Variants in ZC3HAV1 observed in about 807,000 individuals in gnomAD.
The protein encoded by ZC3HAV1 is zinc finger CCCH-type containing, antiviral 1.
ZC3HAV1 carries 41 observed loss-of-function variants against 86.6 expected under a neutral mutation model. The observed-to-expected ratio is 0.47, with a 90% CI of 0.37 to 0.61. The LOEUF (loss-of-function observed/expected upper bound fraction) is 0.61. Among genes scored for constraint, ZC3HAV1 ranks in the 20% least tolerant of loss-of-function variants. The pLI is 0.00. For missense variants in ZC3HAV1, 964 were observed against 1,141.1 expected (o/e 0.84, Z 2.24); for synonymous variants, 421 against 432.1 (o/e 0.97, Z 0.32).
At chr7:139,078,773 A>G (rs1441371222) in intron 4 of ZC3HAV1, 120 bp from the exon 5 acceptor site, 1 of 826,342 alleles carries the variant, frequency 1.2e-6, no homozygotes, top group East Asian at 2.9e-5. Flanking sequence ...GAAAATTCCT[A>G]TGATTTATGT....
chr7:139,096,305 T>C (rs1817587285), intron 1 of ZC3HAV1, among the ~76,000 whole-genome samples: 1 of 152,094 alleles, frequency 6.6e-6, no homozygotes, highest in Admixed American at 6.5e-5. Context: ...TGAGCCACCG[T>C]ACCCGACCAC....
chr7:139,108,971 A>C lies in ZC3HAV1; in HGVS notation c.308+53T>G, dbSNP rs1344963509. On this transcript the variant is annotated intron_variant, in intron 1 of 12. Transcript: ENST00000242351. This position sits in a 1 kb window ranked among gnomAD's most constrained non-coding sequence, Gnocchi z 4.2. ...CTCCCAGAACATTGCCCGCCTGGAC[A>C]GTCCACCCCGACCACGGCTGCGGAC... 13 of 1,492,622 alleles carry C rather than the reference A, an allele frequency of 8.7e-6. No homozygotes were observed. The highest frequency in any genetic ancestry group is 2.5e-5 in the East Asian group (1 of 40,220). The allele number at this position is 1,492,622 out of a possible 1,614,324, so 92.5% of individuals were successfully genotyped here. A position where few individuals can be genotyped will look rare whatever the true frequency, so the allele number is the denominator to read the frequency against.
chr7:139,097,410 A>ATTTTTTTTTT (rs1563140546), intron 1 of ZC3HAV1, among the ~76,000 whole-genome samples: 1 of 73,178 alleles, frequency 1.4e-5, no homozygotes. Flanking sequence ...CCATATATAT[A>ATTTTTTTTTT]TATATATATA....
chr7:139,097,436 T>A (rs1434811861), intron 1 of ZC3HAV1, among the ~76,000 whole-genome samples: 18 of 109,522 alleles, frequency 1.6e-4, no homozygotes, highest in East Asian at 7.4e-4. Context: ...ATATTTTTTT[T>A]TTTTTTTTTT....
At chr7:139,084,673 A>C (rs1457552268) in intron 2 of ZC3HAV1, among the ~76,000 whole-genome samples, 8 of 152,208 alleles carry the variant, frequency 5.3e-5, no homozygotes, top group Admixed American at 5.2e-4. Flanking sequence ...ACCTACTCTT[A>C]GCCTCCGTTT....
At chr7:139,069,591 C>T (rs1490878842) in intron 7 of ZC3HAV1, among the ~76,000 whole-genome samples, 1 of 152,174 alleles carries the variant, frequency 6.6e-6, no homozygotes, top group Admixed American at 6.5e-5. Flanking sequence ...TACCCTACAC[C>T]ATTGCTGCCC....
At chr7:139,074,169 T>A in intron 6 of ZC3HAV1, 139 bp from the exon 7 acceptor site, 4 of 742,842 alleles carry the variant, frequency 5.4e-6, no homozygotes, top group Non-Finnish European at 8.1e-6. Flanking sequence ...TGGCTCCAGG[T>A]CCTACACATA....
In ZC3HAV1 at chr7:139,054,036, A is replaced by G; in HGVS notation, c.2247T>C (p.Ala749=). The G allele has an allele frequency of 6.2e-7, 1 of 1,607,852 alleles. No homozygotes were observed. The highest frequency in any genetic ancestry group is 1.3e-5 in the African/African-American group (1 of 74,642). The change falls in exon 11 of 13, where the codon GCT becomes GCC. Residue 749 remains alanine (A), a synonymous_variant. Coordinates refer to ENST00000242351, the MANE Select transcript of ZC3HAV1 (RefSeq NM_020119.4). ...EYVRVSEHFK[A]SMKNFKIEKI... ...TTTCAATCTTGAAATTTTTCATGGA[A>G]GCTTTAAAATGCTCACTTACTCTGA...
At position 139,043,843 on chromosome 7, in the gene ZC3HAV1, G is replaced by A. The variant is rs574649686; in HGVS notation, c.*3751C>T. On this transcript the variant is annotated 3_prime_UTR_variant, in exon 13 of 13. Coordinates refer to ENST00000242351, the MANE Select transcript of ZC3HAV1 (RefSeq NM_020119.4). ...AGGCCAAGATCTGACCTATTCTGTA[G>A]AAGGACTCCTTAGGAAAGTAACAGT... 2.0e-5 allele frequency: 3 copies of A among 152,342 alleles called. No homozygotes were observed. Among genetic ancestry groups the A allele is most frequent in the African/African-American group, 7.2e-5 (3 of 41,580 alleles). The allele number at this position is 152,342 out of a possible 1,614,324, so 9.4% of individuals were successfully genotyped here. A position where few individuals can be genotyped will look rare whatever the true frequency, so the allele number is the denominator to read the frequency against.
chr7:139,057,532 ATTTT>A (rs765288792), intron 9 of ZC3HAV1, among the ~76,000 whole-genome samples: 2 of 56,910 alleles, frequency 3.5e-5, no homozygotes, highest in African/African-American at 9.0e-5. Context: ...AAACAATTAC[ATTTT>A]TTTTTTTTTT....
At chr7:139,088,893 G>A (rs888757004) in intron 2 of ZC3HAV1, among the ~76,000 whole-genome samples, 10 of 152,070 alleles carry the variant, frequency 6.6e-5, no homozygotes, top group Non-Finnish European at 1.5e-4. Context: ...ACTTGAGGTC[G>A]GGAGTTCGAG....
rs148308742 is a variant in ZC3HAV1, at chr7:139,083,964, G to T, written c.513C>A (p.Leu171=). The change falls in exon 3 of 13, where the codon CTC becomes CTA. Residue 171 remains leucine, a synonymous_variant. Transcript: ENST00000242351. ...CTCGGGTGAAGTGGTCACAGATGTG[G>T]AGTCTTGAACACGGTGGCTGCTGGT... ...ICNQQPPCSR[L]HICDHFTRGN... 1 of 1,614,088 alleles carries T rather than the reference G, an allele frequency of 6.2e-7. No individual in the cohort carries two copies.
chr7:139,067,796 A>G (rs1816649774), intron 7 of ZC3HAV1, among the ~76,000 whole-genome samples: 1 of 152,188 alleles, frequency 6.6e-6, no homozygotes, highest in South Asian at 2.1e-4. Context: ...CCTTCACGAG[A>G]AAGTGAAGAC....
intron 1 of ZC3HAV1, among the ~76,000 whole-genome samples, chr7:139,106,706 A>G (rs1412285215): frequency 6.6e-6 from 1 of 151,682 alleles, no homozygotes; most frequent in Non-Finnish European, 1.5e-5. Context: ...AAATTTGAAT[A>G]CCAACTGGAC....
Position 139,061,266 on chromosome 7 carries a change from G to GA in ZC3HAV1, c.1994-129dup, listed in dbSNP as rs2130677325. ...ACTGACCTGTATGTATACGAATAGAGAAAATCCTTTGGGATGAGAATTGCT... is the reference window on the plus strand; with the variant it reads ...ACTGACCTGTATGTATACGAATAGAGAAAAATCCTTTGGGATGAGAATTGCT... On this transcript the variant is annotated intron_variant, in intron 8 of 12. Coordinates refer to ENST00000242351, the MANE Select transcript of ZC3HAV1 (RefSeq NM_020119.4). The GA allele has an allele frequency of 4.7e-6, 4 of 850,736 alleles. No homozygotes were observed. The South Asian group carries it at 7.2e-5, about 15-fold the overall frequency. 52.7% of individuals were successfully genotyped at this position (850,736 alleles called of 1,614,324 possible).
chr7:139,074,335 C>T (rs925756833), intron 6 of ZC3HAV1, among the ~76,000 whole-genome samples: 14 of 152,186 alleles, frequency 9.2e-5, no homozygotes, highest in Admixed American at 2.0e-4. Context: ...GTTAGAAATT[C>T]GCATTTGGTC....
At chr7:139,107,174 C>A (rs1356430815) in intron 1 of ZC3HAV1, among the ~76,000 whole-genome samples, 1 of 152,122 alleles carries the variant, frequency 6.6e-6, no homozygotes, top group Non-Finnish European at 1.5e-5. Context: ...CCTTTTCTAT[C>A]CTCCACCCTC....
chr7:139,058,216 T>C (rs1563125091), intron 9 of ZC3HAV1, among the ~76,000 whole-genome samples: 1 of 146,062 alleles, frequency 6.8e-6, no homozygotes. Context: ...TGGCTGTTTA[T>C]TATCACTATG....
At chr7:139,058,272 G>A (rs1816343632) in intron 9 of ZC3HAV1, among the ~76,000 whole-genome samples, 3 of 151,520 alleles carry the variant, frequency 2.0e-5, no homozygotes, top group Admixed American at 2.0e-4. Context: ...GGGCAACCTG[G>A]AGAAACCGTG....
Sources: allele counts gnomAD v4.1 joint callset (sites outside exome capture counted in the v4.1 genomes callset), GRCh38; gene constraint gnomAD v4.1.1; non-coding constraint Gnocchi (gnomAD v3.1); transcripts MANE v1.5; gene names NCBI Gene and HGNC (gene_info 2026-07-23, HGNC 2026-07-21).